Variants in STXBP5L observed in about 807,000 individuals in gnomAD.
STXBP5L encodes syntaxin binding protein 5L.
Under a neutral mutation model 144.5 loss-of-function variants are expected in STXBP5L, and 65 were observed. That is an observed-to-expected ratio of 0.45 (90% CI 0.37 to 0.55). STXBP5L has a LOEUF of 0.55. STXBP5L is among the 20% of genes least tolerant of loss of function. The probability of loss-of-function intolerance (pLI) is 0.00; values close to 1 mark genes in which losing one functional copy is unlikely to be tolerated. For missense variants in STXBP5L, 1,298 were observed against 1,405.5 expected (o/e 0.92, Z 1.22); for synonymous variants, 505 against 469.6 (o/e 1.08, Z -0.97).
intron 5 of STXBP5L, among the ~76,000 whole-genome samples, chr3:121,048,725 G>T (rs1297423917): frequency 7.1e-6 from 1 of 141,092 alleles, no homozygotes; most frequent in East Asian, 2.3e-4. Flanking sequence ...TTGCTCTATT[G>T]CCCAGGCTGG....
intron 5 of STXBP5L, among the ~76,000 whole-genome samples, 191 bp from the exon 6 acceptor site, chr3:121,114,733 TA>T (rs2044155457): frequency 6.6e-6 from 1 of 152,170 alleles, no homozygotes; most frequent in African/African-American, 2.4e-5. Flanking sequence ...TAATAGTGCT[TA>T]TTAACATTAT....
intron 5 of STXBP5L, among the ~76,000 whole-genome samples, chr3:121,088,733 A>T (rs2042620206): frequency 1.6e-5 from 1 of 63,206 alleles, no homozygotes; most frequent in Non-Finnish European, 3.1e-5. Context: ...AAAATGTGGC[A>T]CATATACACC....
chr3:121,403,160 GGCCT>G (rs1203843863), intron 22 of STXBP5L, among the ~76,000 whole-genome samples: 6 of 151,978 alleles, frequency 3.9e-5, no homozygotes, highest in Admixed American at 3.9e-4. Flanking sequence ...GTATCTTCAT[GGCCT>G]GCATATTCTC....
chr3:121,340,968 C>A (rs2044688388), intron 20 of STXBP5L, among the ~76,000 whole-genome samples: 1 of 151,900 alleles, frequency 6.6e-6, no homozygotes, highest in African/African-American at 2.4e-5. Flanking sequence ...ATATTATTTG[C>A]AAGTCTCATG....
chr3:121,352,469 A>C (rs533669546), intron 20 of STXBP5L, among the ~76,000 whole-genome samples: 14 of 152,070 alleles, frequency 9.2e-5, no homozygotes, highest in Admixed American at 5.2e-4. Context: ...TTCACTCATG[A>C]TTTGGCTCTC....
intron 22 of STXBP5L, among the ~76,000 whole-genome samples, chr3:121,386,925 T>C (rs1029106622): frequency 6.6e-6 from 1 of 152,218 alleles, no homozygotes; most frequent in Non-Finnish European, 1.5e-5. Flanking sequence ...TACCCAGTAA[T>C]GGGATTGCTG....
intron 14 of STXBP5L, among the ~76,000 whole-genome samples, chr3:121,250,047 G>A (rs2049981707): frequency 6.6e-6 from 1 of 151,880 alleles, no homozygotes; most frequent in African/African-American, 2.4e-5. Flanking sequence ...AACCCACTTA[G>A]TCATTATGTA....
chr3:121,207,145 A>G (rs2048367602), intron 10 of STXBP5L, among the ~76,000 whole-genome samples: 1 of 151,894 alleles, frequency 6.6e-6, no homozygotes, highest in Non-Finnish European at 1.5e-5. Flanking sequence ...AAAAATGAAC[A>G]CTGTTTGAAC....
intron 18 of STXBP5L, among the ~76,000 whole-genome samples, chr3:121,261,099 A>G (rs2050369295): frequency 6.6e-6 from 1 of 152,148 alleles, no homozygotes. Context: ...CTGTAAAGAC[A>G]AGGGGACTTC....
chr3:121,078,836 C>T (rs570371307), intron 5 of STXBP5L, among the ~76,000 whole-genome samples: 1 of 152,258 alleles, frequency 6.6e-6, no homozygotes, highest in Non-Finnish European at 1.5e-5. Context: ...CAGGGCTGGC[C>T]GGCTGCTCTG....
intron 7 of STXBP5L, among the ~76,000 whole-genome samples, chr3:121,149,663 T>C (rs1183757666): frequency 6.6e-6 from 1 of 152,022 alleles, no homozygotes; most frequent in Non-Finnish European, 1.5e-5. Flanking sequence ...AATACCCTAT[T>C]AGAAAAGGTA....
At chr3:121,042,244 G>A (rs567656160) in intron 4 of STXBP5L, among the ~76,000 whole-genome samples, 1 of 152,128 alleles carries the variant, frequency 6.6e-6, no homozygotes, top group East Asian at 1.9e-4. Context: ...ATATGCATTT[G>A]TAGTTATTTT....
chr3:121,296,670 T>G (rs758700560), intron 19 of STXBP5L, among the ~76,000 whole-genome samples: 1 of 152,138 alleles, frequency 6.6e-6, no homozygotes. Context: ...GACCTGGGTA[T>G]AGGTGGGGGA....
At chr3:121,005,145 A>C (rs918451585) in intron 3 of STXBP5L, among the ~76,000 whole-genome samples, 2 of 151,578 alleles carry the variant, frequency 1.3e-5, no homozygotes, top group Non-Finnish European at 2.9e-5. Context: ...CCTCCTTGTA[A>C]CTCTGGTAGA....
intron 8 of STXBP5L, among the ~76,000 whole-genome samples, chr3:121,154,436 A>T (rs2046045176): frequency 6.6e-6 from 1 of 151,682 alleles, no homozygotes; most frequent in Non-Finnish European, 1.5e-5. Context: ...TTCCTCACTA[A>T]ACCTGTGGCT....
rs116986748 is a variant in STXBP5L at position 121,261,807 on chromosome 3, T to A, written c.1958+2639T>A. ...TTAGCAAATATGCTCTATGGTGAAA[T>A]GTTAGAGACTTTGTCTTTGAGGAAA... On this transcript the variant is annotated intron_variant, in intron 18 of 26. Transcript: ENST00000471454. Among the ~76,000 whole-genome samples the A allele has an allele frequency of 1.1e-3, 168 of 152,300 alleles. 1 individual carries two copies. In the East Asian group the frequency reaches 0.03, roughly 27 times the overall value.
intron 19 of STXBP5L, 36 bp from the exon 20 acceptor site, chr3:121,318,439 C>G (rs761097061): frequency 2.7e-6 from 4 of 1,500,766 alleles, no homozygotes; most frequent in Non-Finnish European, 3.6e-6. Flanking sequence ...AAAATGCTAG[C>G]AAAATTTATC....
chr3:121,350,096 C>T (rs2045208012), intron 20 of STXBP5L, among the ~76,000 whole-genome samples: 1 of 152,112 alleles, frequency 6.6e-6, no homozygotes, highest in African/African-American at 2.4e-5. Context: ...GTGGCTGGTA[C>T]CAGTTATTCC....
intron 2 of STXBP5L, among the ~76,000 whole-genome samples, chr3:120,911,697 A>G (rs1033197812): frequency 6.6e-6 from 1 of 152,074 alleles, no homozygotes; most frequent in African/African-American, 2.4e-5. Context: ...TTCCAAATAA[A>G]TTATAAGATA....
Sources: allele counts gnomAD v4.1 joint callset (sites outside exome capture counted in the v4.1 genomes callset), GRCh38; gene constraint gnomAD v4.1.1; transcripts MANE v1.5; gene names NCBI Gene and HGNC (gene_info 2026-07-23, HGNC 2026-07-21).